The following SEC63 variants were observed in gnomAD, a reference collection of about 807,000 sequenced individuals.
SEC63 encodes the protein translocation protein SEC63 homolog.
In SEC63, 56 loss-of-function variants were observed where a neutral mutation model predicts 116.2. The observed-to-expected ratio is 0.48, with a 90% CI of 0.39 to 0.60. The LOEUF is 0.60. Ranked by LOEUF, SEC63 falls within the 20% of genes least tolerant of loss-of-function variation. The probability of loss-of-function intolerance (pLI) is 0.00; values close to 1 mark genes in which losing one functional copy is unlikely to be tolerated. For synonymous variants in SEC63, 273 were observed against 294.6 expected (o/e 0.93, Z 0.75); for missense variants, 668 against 900.0 (o/e 0.74, Z 3.30).
intron 16 of SEC63, among the ~76,000 whole-genome samples, chr6:107,892,630 G>T (rs528027847): frequency 6.6e-6 from 1 of 152,006 alleles, no homozygotes; most frequent in Non-Finnish European, 1.5e-5. Context: ...AAAATGTAAG[G>T]ACTCTTATCC....
At chr6:107,916,553 T>C (rs1787404255) in intron 4 of SEC63, among the ~76,000 whole-genome samples, 1 of 152,268 alleles carries the variant, frequency 6.6e-6, no homozygotes, top group African/African-American at 2.4e-5. Flanking sequence ...AAACTTCTTA[T>C]TGCACTTTGC....
intron 1 of SEC63, among the ~76,000 whole-genome samples, chr6:107,951,395 G>A (rs962905959): frequency 2.0e-5 from 3 of 152,110 alleles, no homozygotes; most frequent in Non-Finnish European, 4.4e-5. Flanking sequence ...AGAACTTTAC[G>A]TTACTGTTCT....
chr6:107,954,198 G>A (rs1303407337), intron 1 of SEC63, among the ~76,000 whole-genome samples: 2 of 152,012 alleles, frequency 1.3e-5, no homozygotes, highest in Non-Finnish European at 2.9e-5. Context: ...AACATGTGCT[G>A]TGTCCACTCA....
intron 14 of SEC63, 75 bp from the exon 15 acceptor site, chr6:107,893,972 C>T: frequency 6.8e-7 from 1 of 1,470,634 alleles, no homozygotes; most frequent in Non-Finnish European, 9.4e-7. Flanking sequence ...AGCAATCTTT[C>T]AAACTGCATT....
chr6:107,909,110 G>C (rs1193244047), intron 7 of SEC63, 75 bp from the exon 8 acceptor site: 2 of 1,025,630 alleles, frequency 2.0e-6, no homozygotes, highest in African/African-American at 3.2e-5. Context: ...GCTCATTCCT[G>C]TAATCCCAGC....
At chr6:107,875,405 A>G (rs1040216404) in intron 19 of SEC63, among the ~76,000 whole-genome samples, 1 of 152,206 alleles carries the variant, frequency 6.6e-6, no homozygotes, top group Non-Finnish European at 1.5e-5. Context: ...AAAACTTAAA[A>G]GATCAGAGAG....
intron 2 of SEC63, among the ~76,000 whole-genome samples, chr6:107,928,692 T>C (rs540121775): frequency 4.6e-5 from 7 of 152,300 alleles, no homozygotes; most frequent in Admixed American, 1.3e-4. Context: ...TCACAAGACA[T>C]AGTAGTCCAA....
intron 16 of SEC63, among the ~76,000 whole-genome samples, chr6:107,889,774 C>T (rs1481121854): frequency 4.6e-5 from 7 of 152,136 alleles, no homozygotes; most frequent in Non-Finnish European, 8.8e-5. Flanking sequence ...GATTCTGGTA[C>T]GTTATGTCTT....
chr6:107,875,004 A>T (rs1786228780), intron 19 of SEC63, among the ~76,000 whole-genome samples: 1 of 152,184 alleles, frequency 6.6e-6, no homozygotes, highest in South Asian at 2.1e-4. Flanking sequence ...TAGTAGGCCT[A>T]TGGAGAAGGT....
chr6:107,902,635 A>G (rs1787033283), intron 12 of SEC63, among the ~76,000 whole-genome samples: 1 of 152,200 alleles, frequency 6.6e-6, no homozygotes, highest in Non-Finnish European at 1.5e-5. Context: ...CAAAATAATA[A>G]AACTACTTAC....
In SEC63 at chr6:107,922,644, C is replaced by G. The variant is rs116865452; in HGVS notation, c.340-735G>C. The stretch of plus-strand genomic sequence containing the variant: ...TACCTGGTTTCAGCTGCTTGTCTAT[C>G]AAGTTGACCTTAATGGTTTCTTAGT... On this transcript the variant is annotated intron_variant, in intron 3 of 20. Transcript: ENST00000369002. 3.4e-3 allele frequency among the ~76,000 whole-genome samples: 515 copies of G among 152,294 alleles called. 4 individuals carry two copies. Among genetic ancestry groups the G allele is most frequent in the Non-Finnish European group, 5.6e-3 (382 of 68,028 alleles).
intron 15 of SEC63, 44 bp downstream of exon 15, chr6:107,893,793 AT>A: frequency 6.2e-7 from 1 of 1,609,070 alleles, no homozygotes; most frequent in Non-Finnish European, 8.5e-7. Context: ...TAAATAAAAT[AT>A]TTCTTTCACT....
At chr6:107,878,063 T>C (rs1213892093) in intron 18 of SEC63, among the ~76,000 whole-genome samples, 2 of 152,218 alleles carry the variant, frequency 1.3e-5, no homozygotes, top group Non-Finnish European at 2.9e-5. Context: ...TTGCGGCCAC[T>C]CAAATCTGCC....
At chr6:107,943,319 T>C (rs150141879) in intron 1 of SEC63, among the ~76,000 whole-genome samples, 185 of 152,368 alleles carry the variant, frequency 1.2e-3, no homozygotes, top group African/African-American at 4.4e-3. Flanking sequence ...TAAGTTTTGA[T>C]AAATTTTACC....
intron 1 of SEC63, among the ~76,000 whole-genome samples, chr6:107,950,324 AAT>A (rs1770553155): frequency 6.6e-6 from 1 of 152,180 alleles, no homozygotes; most frequent in Non-Finnish European, 1.5e-5. Context: ...GTGCTACAAT[AAT>A]AGTTTCAGAC....
chr6:107,947,558 A>G (rs1409421224), intron 1 of SEC63, among the ~76,000 whole-genome samples: 2 of 152,052 alleles, frequency 1.3e-5, no homozygotes, highest in Non-Finnish European at 2.9e-5. Context: ...GGGTAACAAC[A>G]TGAGATCCAG....
chr6:107,953,872 G>A (rs1349684282), intron 1 of SEC63, among the ~76,000 whole-genome samples: 5 of 142,172 alleles, frequency 3.5e-5, no homozygotes, highest in African/African-American at 1.1e-4. Context: ...CCGGCCAGCC[G>A]CCCGGTCCGG....
chr6:107,946,833 G>A (rs1007373909), intron 1 of SEC63, among the ~76,000 whole-genome samples: 17 of 151,996 alleles, frequency 1.1e-4, no homozygotes, highest in Admixed American at 3.3e-4. Flanking sequence ...GAAAAACCCC[G>A]TCTCTACTAA....
chr6:107,941,927 G>A (rs1488951990), intron 1 of SEC63, among the ~76,000 whole-genome samples: 1 of 152,212 alleles, frequency 6.6e-6, no homozygotes, highest in African/African-American at 2.4e-5. Context: ...ATGTATCAGT[G>A]TACAAATTGA....
Sources: gnomAD v4.1 joint callset for allele counts (sites outside exome capture counted in the v4.1 genomes callset) on GRCh38, gnomAD v4.1.1 for gene constraint, MANE v1.5 for transcripts, NCBI Gene and HGNC (gene_info 2026-07-23, HGNC 2026-07-21) for gene names.